TRIM36: variants seen among roughly 807,000 people sequenced by gnomAD.
TRIM36 encodes E3 ubiquitin-protein ligase TRIM36.
A neutral mutation model predicts 72.4 loss-of-function variants in TRIM36; 42 were observed. The observed-to-expected ratio is 0.58, with a 90% confidence interval of 0.45 to 0.75. TRIM36 has a LOEUF of 0.75. Among genes scored for constraint, TRIM36 ranks in the 30% least tolerant of loss-of-function variants. TRIM36 has a pLI of 0.00. For missense variants in TRIM36, 913 were observed against 857.1 expected (o/e 1.07, Z -0.81); for synonymous variants, 315 against 282.8 (o/e 1.11, Z -1.14).
At chr5:115,143,408 C>A (rs949247639) in intron 4 of TRIM36, among the ~76,000 whole-genome samples, 1 of 151,836 alleles carries the variant, frequency 6.6e-6, no homozygotes, top group African/African-American at 2.4e-5. Flanking sequence ...AAGAAAATAG[C>A]ATTTGTAGAA....
At position 115,137,022 on chromosome 5, in the gene TRIM36, T is replaced by C; in HGVS notation, c.1188A>G (p.Gly396=). The change falls in exon 7 of 10, where the codon GGA becomes GGG. Residue 396 remains glycine, a synonymous_variant. Transcript: ENST00000513154. ...VNTSKQTELL[G]ELSFFSSGID... Reference sequence around the variant, plus strand: ...TACCACTAGAGAAAAAGGATAATTCTCCAAGAAGTTCTGTTTGTTTAGAGG... The same window carrying C: ...TACCACTAGAGAAAAAGGATAATTCCCCAAGAAGTTCTGTTTGTTTAGAGG... The C allele has an allele frequency of 6.2e-7, 1 of 1,604,142 alleles. No homozygotes were observed. Among genetic ancestry groups the C allele is most frequent in the Non-Finnish European group, 8.5e-7 (1 of 1,176,414 alleles).
intron 2 of TRIM36, among the ~76,000 whole-genome samples, chr5:115,163,125 T>C (rs564397765): frequency 6.6e-6 from 1 of 151,992 alleles, no homozygotes; most frequent in Non-Finnish European, 1.5e-5. Context: ...ACCTAGCTCA[T>C]TTTGTATTTT....
chr5:115,153,866 C>T (rs1458612574), intron 2 of TRIM36: 2 of 152,302 alleles, frequency 1.3e-5, no homozygotes, highest in East Asian at 3.9e-4. Flanking sequence ...CATCCAACAA[C>T]CACAGAATAT....
rs748369140 is a variant in TRIM36 at position 115,163,554 on chromosome 5, G to C, written c.226C>G (p.Pro76Ala). The change falls in exon 2 of 10, where the codon CCT (proline) becomes GCT (alanine). Residue 76 changes from proline (P) to alanine (A), a missense_variant. Physicochemically the swap from Pro to Ala is conservative, Grantham distance 27. Coordinates refer to ENST00000513154, the MANE Select transcript of TRIM36 (RefSeq NM_001300759.2). ...ATTCGGTCAATTTTATCCATACTAG[G>C]GGAGGGGAGCCGAAGTCGAGGACTG... ...QSSPRLRLPS[P>A]SMDKIDRINR... 8 of 1,614,052 alleles carry C rather than the reference G, an allele frequency of 5.0e-6. No homozygotes were observed. The highest frequency in any genetic ancestry group is 4.0e-5 in the African/African-American group (3 of 74,896).
Position 115,125,492 on chromosome 5 carries a change from T to G in TRIM36, c.*1011A>C, listed in dbSNP as rs988525482. 1 of 151,842 alleles carries G rather than the reference T, an allele frequency of 6.6e-6. No homozygotes were observed. The highest frequency in any genetic ancestry group is 1.5e-5 in the Non-Finnish European group (1 of 67,952). 9.4% of individuals were successfully genotyped at this position (151,842 alleles called of 1,614,324 possible). A position where few individuals can be genotyped will look rare whatever the true frequency, so the allele number is the denominator to read the frequency against. On this transcript the variant is annotated 3_prime_UTR_variant, in exon 10 of 10. Transcript: ENST00000513154. ...TGCCACATAAGTGAACATTTAAATG[T>G]TACAAAAATTTATAATATATGTAAC...
At chr5:115,140,478 T>A (rs1753218676) in intron 5 of TRIM36, among the ~76,000 whole-genome samples, 1 of 152,160 alleles carries the variant, frequency 6.6e-6, no homozygotes, top group Non-Finnish European at 1.5e-5. Context: ...AATGAATCTT[T>A]ACCCACACAC....
intron 7 of TRIM36, among the ~76,000 whole-genome samples, chr5:115,135,839 AAAAGGAGGTC>A (rs1752936731): frequency 6.6e-6 from 1 of 152,224 alleles, no homozygotes; most frequent in Admixed American, 6.5e-5. Flanking sequence ...TATAGATTTG[AAAAGGAGGTC>A]ACAGTAATCC....
intron 5 of TRIM36, among the ~76,000 whole-genome samples, chr5:115,140,611 C>A (rs1204440620): frequency 2.6e-5 from 4 of 152,166 alleles, no homozygotes; most frequent in Non-Finnish European, 5.9e-5. Context: ...CTAACATCAT[C>A]ATCTAGTTTC....
chr5:115,157,409 G>C (rs1754233325), intron 2 of TRIM36, among the ~76,000 whole-genome samples: 1 of 151,986 alleles, frequency 6.6e-6, no homozygotes, highest in African/African-American at 2.4e-5. Context: ...AGTAAAAATA[G>C]AAAAATTAGC....
intron 4 of TRIM36, among the ~76,000 whole-genome samples, chr5:115,143,581 T>A (rs990574051): frequency 6.6e-6 from 1 of 152,112 alleles, no homozygotes; most frequent in Non-Finnish European, 1.5e-5. Flanking sequence ...ATACCTGTAT[T>A]TCGTATGTGC....
chr5:115,140,446 T>C (rs182910331), intron 5 of TRIM36, among the ~76,000 whole-genome samples: 1 of 152,264 alleles, frequency 6.6e-6, no homozygotes, highest in East Asian at 1.9e-4. Flanking sequence ...AATGGAAAAA[T>C]GTACATGTAA....
upstream of TRIM36, among the ~76,000 whole-genome samples, chr5:115,172,486 A>G (rs894922117): frequency 9.9e-5 from 15 of 152,238 alleles, no homozygotes; most frequent in African/African-American, 3.6e-4. Flanking sequence ...CTGTAATCCC[A>G]GCGCTTTGGG....
intron 2 of TRIM36, among the ~76,000 whole-genome samples, chr5:115,151,873 T>A (rs576632639): frequency 6.6e-6 from 1 of 152,272 alleles, no homozygotes; most frequent in East Asian, 1.9e-4. Flanking sequence ...CAAAAGGAAC[T>A]GAACAGCAAC....
intron 1 of TRIM36, among the ~76,000 whole-genome samples, chr5:115,178,086 C>T (rs957619015): frequency 6.6e-6 from 1 of 152,082 alleles, no homozygotes; most frequent in African/African-American, 2.4e-5. Context: ...ATCCATCAGT[C>T]GGCTTCATGG....
chr5:115,170,596 G>C (rs1232179751), upstream of TRIM36, among the ~76,000 whole-genome samples: 3 of 152,210 alleles, frequency 2.0e-5, no homozygotes, highest in African/African-American at 4.8e-5. Context: ...GAACTTAATA[G>C]TCCCTGACTG....
Position 115,163,532 on chromosome 5 carries a change from C to T in TRIM36, c.248G>A (p.Arg83Gln), listed in dbSNP as rs777193295. 39 of 1,613,962 alleles carry T rather than the reference C, an allele frequency of 2.4e-5. No homozygotes were observed. In the Middle Eastern group the frequency reaches 4.9e-4, roughly 20 times the overall value. Reference sequence around the variant, plus strand: ...CTAACACATACCTGGTCTGTTAATTCGGTCAATTTTATCCATACTAGGGGA... The same window carrying T: ...CTAACACATACCTGGTCTGTTAATTTGGTCAATTTTATCCATACTAGGGGA... ...LPSPSMDKID[R>Q]INRPGWKRNS... The change falls in exon 2 of 10, where the codon CGA becomes CAA. Residue 83 changes from arginine (R) to glutamine (Q), a missense_variant. By Grantham distance (43) the Arg-to-Gln change is conservative. Coordinates refer to ENST00000513154, the MANE Select transcript of TRIM36 (RefSeq NM_001300759.2).
At chr5:115,162,972 T>G (rs2126930760) in intron 2 of TRIM36, among the ~76,000 whole-genome samples, 1 of 152,208 alleles carries the variant, frequency 6.6e-6, no homozygotes, top group African/African-American at 2.4e-5. Context: ...TTTTTTTTTT[T>G]TTGAGACAGA....
intron 1 of TRIM36, among the ~76,000 whole-genome samples, chr5:115,167,039 A>G (rs973808354): frequency 3.3e-5 from 5 of 152,200 alleles, no homozygotes; most frequent in African/African-American, 1.2e-4. Context: ...CCAGTAGTGA[A>G]AACCAAGCAC....
Position 115,126,432 on chromosome 5 carries a change from A to T in TRIM36, c.*71T>A. ...ACAGAACACTCAGCGATATGTAATT[A>T]GTTACGAAGGTTAACGCTAAGGCAT... is the stretch of plus-strand genomic sequence containing the variant. On this transcript the variant is annotated 3_prime_UTR_variant, in exon 10 of 10. Coordinates refer to ENST00000513154, the MANE Select transcript of TRIM36 (RefSeq NM_001300759.2). 1 of 1,203,370 alleles carries T rather than the reference A, an allele frequency of 8.3e-7. No individual in the cohort carries two copies. 74.5% of individuals were successfully genotyped at this position (1,203,370 alleles called of 1,614,324 possible). A position where few individuals can be genotyped will look rare whatever the true frequency, so the allele number is the denominator to read the frequency against.
Sources: gnomAD v4.1 joint callset for allele counts (sites outside exome capture counted in the v4.1 genomes callset) on GRCh38, gnomAD v4.1.1 for gene constraint, MANE v1.5 for transcripts, NCBI Gene and HGNC (gene_info 2026-07-23, HGNC 2026-07-21) for gene names.